Variants in AQR observed in about 807,000 individuals in gnomAD.
AQR encodes RNA helicase aquarius.
In AQR, 61 loss-of-function variants were observed where a neutral mutation model predicts 180.5. That is an observed-to-expected ratio of 0.34 (90% CI 0.28 to 0.42). The LOEUF (loss-of-function observed/expected upper bound fraction) is 0.42, where lower values mean the gene tolerates loss of function less well. AQR is among the 10% of genes least tolerant of loss of function. The pLI, the probability that AQR is intolerant of heterozygous loss-of-function variation, is 1.00. For missense variants in AQR, 1,281 were observed against 1,798.3 expected (o/e 0.71, Z 5.20); for synonymous variants, 551 against 588.8 (o/e 0.94, Z 0.93).
intron 19 of AQR, 26 bp downstream of exon 19, chr15:34,904,310 C>T (rs1414032694): frequency 6.6e-7 from 1 of 1,510,930 alleles, no homozygotes; most frequent in Admixed American, 2.0e-5. Context: ...TGACATAGTA[C>T]TTTTAGTTAC....
rs540957237 is a variant in AQR at position 34,866,314 on chromosome 15, G to A, written c.3854+1210C>T. On this transcript the variant is annotated intron_variant, in intron 32 of 34. Transcript: ENST00000156471. ...AACCACCACCAACACTATCCCCCAT[G>A]AAGAAGTTGGAGTTTCAAAGGAAAA... Among the ~76,000 whole-genome samples, 9 of 152,192 alleles carry A rather than the reference G, an allele frequency of 5.9e-5. No individual in the cohort carries two copies. In the South Asian group the frequency reaches 1.9e-3, roughly 32 times the overall value.
chr15:34,871,999 C>T lies in AQR; in HGVS notation c.3598-1077G>A, dbSNP rs8040551. ...AAGCTGGATTTCATGCAAAGGCAAC[C>T]GAAAGATTACTGGAAGACTTCTAAA... On this transcript the variant is annotated intron_variant, in intron 30 of 34. Transcript: ENST00000156471. Among the ~76,000 whole-genome samples, 741 of 151,422 alleles carry T rather than the reference C, an allele frequency of 4.9e-3. 3 individuals are homozygous for T. The highest frequency in any genetic ancestry group is 7.9e-3 in the Non-Finnish European group (538 of 67,898).
chr15:34,900,312 G>A (rs1164039504), intron 20 of AQR, among the ~76,000 whole-genome samples: 1 of 152,138 alleles, frequency 6.6e-6, no homozygotes, highest in Non-Finnish European at 1.5e-5. Flanking sequence ...ACCAGACTAT[G>A]CATAACTGCC....
chr15:34,900,592 G>A (rs1333598204), intron 20 of AQR, 30 bp downstream of exon 20: 22 of 1,602,452 alleles, frequency 1.4e-5, no homozygotes, highest in Non-Finnish European at 1.9e-5. Flanking sequence ...ACAGAATGCT[G>A]GAGAGGAGCG....
chr15:34,852,085 G>T lies in AQR; in HGVS notation c.*4707C>A, dbSNP rs1892520327. 2 of 151,772 alleles carry T rather than the reference G, an allele frequency of 1.3e-5. No individual in the cohort carries two copies. The highest frequency in any genetic ancestry group is 4.2e-4 in the South Asian group (2 of 4,816). The allele number at this position is 151,772 out of a possible 1,614,324, so 9.4% of individuals were successfully genotyped here. ...CTGGTTACCTGTAGGGAAAAAAAAT[G>T]TATTTTGGGGCTTTATCTTTAAAGG... On this transcript the variant is annotated 3_prime_UTR_variant, in exon 35 of 35. Coordinates refer to ENST00000156471, the MANE Select transcript of AQR (RefSeq NM_014691.3).
intron 1 of AQR, chr15:34,964,556 A>G (rs1452725082): frequency 5.8e-6 from 3 of 520,916 alleles, no homozygotes; most frequent in African/African-American, 3.8e-5. Context: ...TAGAGAAACA[A>G]TACAGCTCAG....
At chr15:34,941,945 A>T in intron 7 of AQR, 67 bp downstream of exon 7, 1 of 1,266,302 alleles carries the variant, frequency 7.9e-7, no homozygotes. Context: ...GATTAAGGCT[A>T]TAGACTAAAA....
intron 27 of AQR, among the ~76,000 whole-genome samples, chr15:34,876,891 TTC>T (rs1204881003): frequency 6.6e-6 from 1 of 152,186 alleles, no homozygotes; most frequent in African/African-American, 2.4e-5. Flanking sequence ...GTCTAGTTGG[TTC>T]TTTCTCATCC....
chr15:34,890,578 C>T (rs995850084), intron 23 of AQR, among the ~76,000 whole-genome samples: 3 of 152,198 alleles, frequency 2.0e-5, no homozygotes, highest in Non-Finnish European at 4.4e-5. Flanking sequence ...GGCATTGGCT[C>T]AGATGCTATT....
At chr15:34,932,170 A>G (rs983049830) in intron 11 of AQR, 148 bp downstream of exon 11, 3 of 592,330 alleles carry the variant, frequency 5.1e-6, no homozygotes, top group East Asian at 3.2e-5. Flanking sequence ...GGCAACCTAT[A>G]TAAGAATACA....
intron 16 of AQR, among the ~76,000 whole-genome samples, chr15:34,912,728 T>A (rs1170752159): frequency 6.6e-6 from 1 of 151,808 alleles, no homozygotes; most frequent in Admixed American, 6.6e-5. Flanking sequence ...GTCTAACGAG[T>A]CTTTAGTTTT....
Position 34,954,850 on chromosome 15 carries a change from A to G in AQR, c.174-1930T>C, listed in dbSNP as rs1346981223. ...TAAAGATAAGTATGGAAGGCCGGGC[A>G]TGGTGGCTCACGCCTGTAATCCTAA... On this transcript the variant is annotated intron_variant, in intron 3 of 34. Transcript: ENST00000156471. 2.7e-5 allele frequency among the ~76,000 whole-genome samples: 4 copies of G among 150,832 alleles called. 1 individual carries two copies. The South Asian group carries it at 8.9e-4, about 33-fold the overall frequency.
At chr15:34,962,437 AT>A (rs1800983338) in intron 2 of AQR, among the ~76,000 whole-genome samples, 1 of 152,180 alleles carries the variant, frequency 6.6e-6, no homozygotes, top group African/African-American at 2.4e-5. Flanking sequence ...ATGCTCTGTT[AT>A]TGTTTTCATC....
chr15:34,924,920 A>T (rs1311128629), intron 13 of AQR, among the ~76,000 whole-genome samples: 1 of 10,262 alleles, frequency 9.7e-5, no homozygotes, highest in Non-Finnish European at 5.2e-4. Context: ...AGCTAAATGT[A>T]AAAAAAAAAA....
chr15:34,891,106 G>A (rs937237068), intron 23 of AQR, among the ~76,000 whole-genome samples: 13 of 152,108 alleles, frequency 8.5e-5, no homozygotes, highest in Admixed American at 1.3e-4. Flanking sequence ...GTTATATAAT[G>A]TAGATACAGA....
chr15:34,880,575 A>T (rs1274343081), intron 27 of AQR, among the ~76,000 whole-genome samples: 1 of 152,246 alleles, frequency 6.6e-6, no homozygotes, highest in East Asian at 1.9e-4. Context: ...AGAAAAAAAA[A>T]TTGTGCATGA....
rs1348032319 is a variant in AQR, at chr15:34,918,364, T to A, written c.1236A>T (p.Glu412Asp). The A allele has an allele frequency of 6.2e-7, 1 of 1,613,656 alleles. No individual in the cohort carries two copies. The highest frequency in any genetic ancestry group is 1.7e-5 in the Admixed American group (1 of 59,984). ...ACTGCTGAATCTGAGAAATTCGACG[T>A]TCATGACGAGATACCTAAAATAAAG... is the stretch of plus-strand genomic sequence containing the variant. ...FLLELLVSRH[E>D]RRISQIQQLN... is the part of the protein sequence containing the mutation. Residue 412 changes from glutamate to aspartate, a missense_variant, in exon 15 of 35, where the codon GAA becomes GAT. By Grantham distance (45) the Glu-to-Asp change is conservative. Around this residue, in one of 9 missense-constraint regions of AQR, gnomAD observed 404 missense variants for 490.9 expected, o/e 0.82. Transcript: ENST00000156471.
In AQR at chr15:34,853,238, C is replaced by T. The variant is rs1286240603; in HGVS notation, c.*3554G>A. The T allele has an allele frequency of 1.4e-5, 2 of 146,616 alleles. No individual in the cohort carries two copies. The highest frequency in any genetic ancestry group is 3.0e-5 in the Non-Finnish European group (2 of 67,618). 9.1% of individuals were successfully genotyped at this position (146,616 alleles called of 1,614,324 possible). A position where few individuals can be genotyped will look rare whatever the true frequency, so the allele number is the denominator to read the frequency against. ...GCTCTTCTGGCTTATGCAAAAGGGTCACTGTTTTTTTTTTTTTTTTAACTT... is the reference window on the plus strand; with the variant it reads ...GCTCTTCTGGCTTATGCAAAAGGGTTACTGTTTTTTTTTTTTTTTTAACTT... On this transcript the variant is annotated 3_prime_UTR_variant, in exon 35 of 35. Coordinates refer to ENST00000156471, the MANE Select transcript of AQR (RefSeq NM_014691.3).
intron 7 of AQR, 46 bp downstream of exon 7, chr15:34,941,966 T>C (rs774524365): frequency 6.9e-7 from 1 of 1,441,496 alleles, no homozygotes; most frequent in Non-Finnish European, 9.5e-7. Context: ...CCACACGTTC[T>C]ACTTATAACA....
Sources: allele counts gnomAD v4.1 joint callset (sites outside exome capture counted in the v4.1 genomes callset), GRCh38; gene constraint gnomAD v4.1.1; regional missense constraint gnomAD v4.1.1; transcripts MANE v1.5; gene names NCBI Gene and HGNC (gene_info 2026-07-23, HGNC 2026-07-21).